The following DERL2 variants were observed in gnomAD, a reference collection of about 807,000 sequenced individuals.
DERL2 encodes derlin-2.
A neutral mutation model predicts 32.0 loss-of-function variants in DERL2; 13 were observed. The ratio of observed to expected loss-of-function variants is 0.41; its 90% CI spans 0.26 to 0.65. The LOEUF is 0.65. DERL2 is among the 30% of genes least tolerant of loss of function. The probability of loss-of-function intolerance (pLI) is 0.35; values close to 1 mark genes in which losing one functional copy is unlikely to be tolerated. For synonymous variants in DERL2, 111 were observed against 104.7 expected, an observed-to-expected ratio of 1.06 and a Z score of -0.37; for missense variants, 208 against 296.3, an observed-to-expected ratio of 0.70 and a Z score of 2.19.
chr17:5,483,232 G>A (rs1905918975), intron 2 of DERL2, among the ~76,000 whole-genome samples: 1 of 151,242 alleles, frequency 6.6e-6, no homozygotes, highest in Admixed American at 6.6e-5. Flanking sequence ...ATAATAAATA[G>A]AACTGACATA....
At chr17:5,479,033 T>G (rs1337213269) in intron 6 of DERL2, among the ~76,000 whole-genome samples, 2 of 152,190 alleles carry the variant, frequency 1.3e-5, no homozygotes, top group African/African-American at 2.4e-5. Context: ...TTGCCCAGGC[T>G]GGTGTCAAAC....
rs1009261796 is a variant in DERL2 at position 5,474,180 on chromosome 17, G to A, written c.*504C>T. 1 of 152,246 alleles carries A rather than the reference G, an allele frequency of 6.6e-6. No individual in the cohort carries two copies. The highest frequency in any genetic ancestry group is 1.5e-5 in the Non-Finnish European group (1 of 68,068). 9.4% of individuals were successfully genotyped at this position (152,246 alleles called of 1,614,324 possible). A position where few individuals can be genotyped will look rare whatever the true frequency, so the allele number is the denominator to read the frequency against. On this transcript the variant is annotated 3_prime_UTR_variant, in exon 7 of 7. Transcript: ENST00000158771. The surrounding 1 kb of genome is among the most constrained non-coding windows in gnomAD (Gnocchi z 4.3). ...ATCCTGAAATGAAATCCAGTTAAAA[G>A]TTGTGAAGACACAGGAAGAACAGCT...
At chr17:5,480,893 C>T in intron 4 of DERL2, 1 of 480,416 alleles carries the variant, frequency 2.1e-6, no homozygotes, top group East Asian at 3.4e-5. Flanking sequence ...CGATTAGCAC[C>T]TTTACAGAGA....
intron 6 of DERL2, among the ~76,000 whole-genome samples, chr17:5,476,918 C>T (rs1316950259): frequency 1.3e-5 from 2 of 152,102 alleles, no homozygotes; most frequent in East Asian, 1.9e-4. Flanking sequence ...GGTGGCCTGA[C>T]GAGATGTTAG....
At chr17:5,485,356 AG>A in intron 1 of DERL2, 140 bp from the exon 2 acceptor site, 1 of 556,450 alleles carries the variant, frequency 1.8e-6, no homozygotes, top group Non-Finnish European at 3.2e-6. Context: ...CTTAGGCCAG[AG>A]GAAGAGGTTG....
At chr17:5,484,294 T>C (rs1404677401) in intron 2 of DERL2, among the ~76,000 whole-genome samples, 1 of 152,266 alleles carries the variant, frequency 6.6e-6, no homozygotes, top group Non-Finnish European at 1.5e-5. Flanking sequence ...TCTCCCAGGC[T>C]GGAGTGCAAT....
intron 1 of DERL2, 104 bp from the exon 2 acceptor site, chr17:5,485,320 G>A (rs1441946909): frequency 5.4e-6 from 4 of 745,518 alleles, no homozygotes; most frequent in Non-Finnish European, 8.8e-6. Flanking sequence ...CGGTCACTTA[G>A]ACGTGATTTC....
At chr17:5,484,243 T>C (rs1482601103) in intron 2 of DERL2, among the ~76,000 whole-genome samples, 1 of 152,160 alleles carries the variant, frequency 6.6e-6, no homozygotes, top group Non-Finnish European at 1.5e-5. Context: ...AAAATCCATC[T>C]CTCTTTTAGC....
intron 6 of DERL2, among the ~76,000 whole-genome samples, chr17:5,479,208 C>G (rs1905593798): frequency 6.6e-6 from 1 of 152,182 alleles, no homozygotes; most frequent in African/African-American, 2.4e-5. Flanking sequence ...CCTTGCCTGG[C>G]TCAGCGTTTT....
intron 6 of DERL2, among the ~76,000 whole-genome samples, chr17:5,479,453 G>A (rs542017917): frequency 8.2e-6 from 1 of 121,282 alleles, no homozygotes; most frequent in Admixed American, 1.1e-4. Flanking sequence ...ATAAATCAAA[G>A]TTCTACTGCA....
At position 5,481,320 on chromosome 17, in the gene DERL2, G is replaced by A. The variant is rs745879503; in HGVS notation, c.303C>T (p.Phe101=). ...RGRTADFVFM[F]LFGGFLMTLF... is the part of the protein sequence containing the mutation. ...CGGTCATTAAGAATCCACCAAAAAG[G>A]AACATAAATACAAAGTCTGCTGTCC... The change falls in exon 4 of 7, where the codon TTC becomes TTT. Residue 101 remains phenylalanine (F), a synonymous_variant. Transcript: ENST00000158771. This position sits in a 1 kb window ranked among gnomAD's most constrained non-coding sequence, Gnocchi z 4.4. 2 of 1,613,840 alleles carry A rather than the reference G, an allele frequency of 1.2e-6. No homozygotes were observed. Among genetic ancestry groups the A allele is most frequent in the South Asian group, 2.2e-5 (2 of 91,076 alleles).
intron 6 of DERL2, among the ~76,000 whole-genome samples, chr17:5,478,763 T>C (rs529873890): frequency 6.6e-6 from 1 of 152,326 alleles, no homozygotes; most frequent in South Asian, 2.1e-4. Flanking sequence ...TCACCTGTTA[T>C]AATTTTATAA....
rs1394595885 is a variant in DERL2, at chr17:5,472,552, A to G, written c.*2132T>C. 6.6e-6 allele frequency: 1 copy of G among 152,236 alleles called. No homozygotes were observed. The highest frequency in any genetic ancestry group is 1.5e-5 in the Non-Finnish European group (1 of 68,046). The allele number at this position is 152,236 out of a possible 1,614,324, so 9.4% of individuals were successfully genotyped here. ...GAACTTGCACCCTATAAAATCGGAG[A>G]AATCAAAAACCCTGTAACTGCCTGC... On this transcript the variant is annotated 3_prime_UTR_variant, in exon 7 of 7. Coordinates refer to ENST00000158771, the MANE Select transcript of DERL2 (RefSeq NM_016041.5).
At chr17:5,485,025 A>G (rs982424664) in intron 2 of DERL2, 126 bp downstream of exon 2, 25 of 557,036 alleles carry the variant, frequency 4.5e-5, no homozygotes, top group Middle Eastern at 3.3e-4. Flanking sequence ...TATCCTGACA[A>G]GGCAACTTAT....
intron 6 of DERL2, among the ~76,000 whole-genome samples, chr17:5,479,334 T>A (rs1030953172): frequency 6.6e-6 from 1 of 151,786 alleles, no homozygotes; most frequent in African/African-American, 2.4e-5. Context: ...TTGCTTACTA[T>A]TCTACAACAA....
chr17:5,475,612 G>A (rs1477036515), intron 6 of DERL2, among the ~76,000 whole-genome samples: 2 of 152,088 alleles, frequency 1.3e-5, no homozygotes, highest in African/African-American at 2.4e-5. Flanking sequence ...CTGGCGTGGT[G>A]GCGCATGCCT....
rs184345181 is a variant in DERL2 at position 5,476,280 on chromosome 17, G to C, written c.615-1491C>G. The stretch of plus-strand genomic sequence containing the variant: ...CTCCACAGTTGATAAAATTAGAAAT[G>C]TATCTGAAAACTTCTGATTTATACT... On this transcript the variant is annotated intron_variant, in intron 6 of 6. Coordinates refer to ENST00000158771, the MANE Select transcript of DERL2 (RefSeq NM_016041.5). Among the ~76,000 whole-genome samples, 264 of 152,230 alleles carry C rather than the reference G, an allele frequency of 1.7e-3. 1 individual carries two copies. Among genetic ancestry groups the C allele is most frequent in the Non-Finnish European group, 2.9e-3 (199 of 67,998 alleles).
intron 1 of DERL2, 71 bp downstream of exon 1, chr17:5,485,998 A>T: frequency 6.9e-7 from 1 of 1,458,020 alleles, no homozygotes; most frequent in Non-Finnish European, 9.4e-7. Context: ...CCCGAGGCCC[A>T]AACCCCAGTT....
At position 5,472,708 on chromosome 17, in the gene DERL2, T is replaced by C. The variant is rs1017645406; in HGVS notation, c.*1976A>G. On this transcript the variant is annotated 3_prime_UTR_variant, in exon 7 of 7. Coordinates refer to ENST00000158771, the MANE Select transcript of DERL2 (RefSeq NM_016041.5). ...TATTTTACCACAAAAATGCCATTCA[T>C]TGCATAACTCCAACTCAGGGAGAAC... The C allele has an allele frequency of 2.6e-5, 4 of 152,122 alleles. No individual in the cohort carries two copies. The highest frequency in any genetic ancestry group is 9.7e-5 in the African/African-American group (4 of 41,408). The allele number at this position is 152,122 out of a possible 1,614,324, so 9.4% of individuals were successfully genotyped here. A position where few individuals can be genotyped will look rare whatever the true frequency, so the allele number is the denominator to read the frequency against.
Sources: allele counts gnomAD v4.1 joint callset (sites outside exome capture counted in the v4.1 genomes callset), GRCh38; gene constraint gnomAD v4.1.1; non-coding constraint Gnocchi (gnomAD v3.1); transcripts MANE v1.5; gene names NCBI Gene and HGNC (gene_info 2026-07-23, HGNC 2026-07-21).